SIL1: variants seen among roughly 807,000 people sequenced by gnomAD.
SIL1 encodes SIL1 nucleotide exchange factor, also known as nucleotide exchange factor SIL1.
SIL1 carries 40 observed loss-of-function variants against 49.1 expected under a neutral mutation model. That is an observed-to-expected ratio of 0.81 (90% CI 0.63 to 1.06). The LOEUF (loss-of-function observed/expected upper bound fraction) is 1.06, where lower values mean the gene tolerates loss of function less well. Among genes scored for constraint, SIL1 ranks in the 50% least tolerant of loss-of-function variants. SIL1 has a pLI of 0.00. For synonymous variants in SIL1, 253 were observed against 250.8 expected (o/e 1.01, Z -0.08); for missense variants, 500 against 572.6 (o/e 0.87, Z 1.29).
intron 7 of SIL1, among the ~76,000 whole-genome samples, chr5:138,989,366 C>T (rs994537195): frequency 1.3e-5 from 2 of 152,146 alleles, no homozygotes; most frequent in Non-Finnish European, 2.9e-5. Context: ...CTGGCCAACA[C>T]AGTGAAACCC....
At chr5:139,161,508 A>G (rs183282286) in intron 1 of SIL1, among the ~76,000 whole-genome samples, 1 of 152,286 alleles carries the variant, frequency 6.6e-6, no homozygotes, top group East Asian at 1.9e-4. Flanking sequence ...TCAACACACA[A>G]AGAATTGTTT....
chr5:139,194,474 A>G (rs952422613), intron 1 of SIL1, among the ~76,000 whole-genome samples: 4 of 152,258 alleles, frequency 2.6e-5, no homozygotes, highest in African/African-American at 9.6e-5. Context: ...TTCCGTCTTT[A>G]GTCTACGTAT....
At chr5:138,972,655 C>T (rs1392387886) in intron 7 of SIL1, among the ~76,000 whole-genome samples, 1 of 152,254 alleles carries the variant, frequency 6.6e-6, no homozygotes, top group Non-Finnish European at 1.5e-5. Context: ...CCCCACCCCA[C>T]AAACTGAGCT....
intron 3 of SIL1, among the ~76,000 whole-genome samples, chr5:139,076,899 G>A (rs981429885): frequency 1.3e-5 from 2 of 152,210 alleles, no homozygotes; most frequent in African/African-American, 4.8e-5. Flanking sequence ...GGGAGGCCAA[G>A]GCAGGCGGAT....
intron 1 of SIL1, among the ~76,000 whole-genome samples, chr5:139,174,495 G>C (rs1751838587): frequency 6.6e-6 from 1 of 151,890 alleles, no homozygotes; most frequent in Non-Finnish European, 1.5e-5. Context: ...AGGAAAAAGA[G>C]AGAGAGGACT....
chr5:139,026,996 A>C lies in SIL1; in HGVS notation c.454-4T>G, dbSNP rs1768672147. On this transcript the variant is annotated splice_polypyrimidine_tract_variant and splice_region_variant and intron_variant, in intron 5 of 9. Transcript: ENST00000394817. ...GCTTTACCTCAGCCTGCCTTGCCTA[A>C]GGAGAGCAGCAAAGAGGTGATTAAA... 6.2e-7 allele frequency: 1 copy of C among 1,614,012 alleles called. No homozygotes were observed. Among genetic ancestry groups the C allele is most frequent in the East Asian group, 2.2e-5 (1 of 44,900 alleles).
intron 3 of SIL1, among the ~76,000 whole-genome samples, chr5:139,117,253 G>C (rs1434930106): frequency 6.6e-6 from 1 of 152,238 alleles, no homozygotes; most frequent in East Asian, 1.9e-4. Flanking sequence ...GTATGGCACA[G>C]TGGTTAGGAG....
chr5:139,178,416 A>G (rs1751924443), intron 1 of SIL1, among the ~76,000 whole-genome samples: 1 of 152,152 alleles, frequency 6.6e-6, no homozygotes, highest in Non-Finnish European at 1.5e-5. Context: ...CCTGTTCTCC[A>G]GGTAAATATG....
At chr5:139,155,448 T>TGAGAGAGAGAGAGAAAGAGAGAGAGA (rs1751387429) in intron 1 of SIL1, 1 of 125,910 alleles carries the variant, frequency 7.9e-6, no homozygotes, top group Non-Finnish European at 1.8e-5. Context: ...GTACACAGAG[T>TGAGAGAGAGAGAGAAAGAGAGAGAGA]GAGAGAGAGA....
intron 1 of SIL1, among the ~76,000 whole-genome samples, chr5:139,195,796 C>T (rs1752257337): frequency 6.6e-6 from 1 of 152,210 alleles, no homozygotes; most frequent in Non-Finnish European, 1.5e-5. Context: ...ATGTTCACCA[C>T]CCTCCAAAAA....
chr5:138,947,664 C>T lies in SIL1; in HGVS notation c.1030-191G>A, dbSNP rs1766666515. 1.3e-5 allele frequency among the ~76,000 whole-genome samples: 2 copies of T among 152,220 alleles called. No individual in the cohort carries two copies. The highest frequency in any genetic ancestry group is 1.3e-4 in the Admixed American group (2 of 15,288). Reference sequence around the variant, plus strand: ...ATTCATTCATCCACCAACAGAAACACTTGTGTGGTGCCAGGTGCTGAAGAA... The same window carrying T: ...ATTCATTCATCCACCAACAGAAACATTTGTGTGGTGCCAGGTGCTGAAGAA... On this transcript the variant is annotated intron_variant, in intron 9 of 9. Coordinates refer to ENST00000394817, the MANE Select transcript of SIL1 (RefSeq NM_022464.5). The surrounding 1 kb of genome is among the most constrained non-coding windows in gnomAD (Gnocchi z 4.1).
intron 5 of SIL1, among the ~76,000 whole-genome samples, chr5:139,036,994 TATCCTTTAGTC>T (rs58609168): frequency 0.25 from 38,067 of 151,982 alleles, 5,722 homozygotes; most frequent in Middle Eastern, 0.38. Context: ...ATTTGGAGAA[TATCCTTTAGTC>T]ATTCTTTCAG....
chr5:139,181,577 A>G (rs1052607660), intron 1 of SIL1, among the ~76,000 whole-genome samples: 1 of 152,184 alleles, frequency 6.6e-6, no homozygotes, highest in Non-Finnish European at 1.5e-5. Context: ...CCCCACACAC[A>G]GTTCTTGGCA....
chr5:139,082,929 C>T (rs552297924), intron 3 of SIL1, among the ~76,000 whole-genome samples: 3 of 152,290 alleles, frequency 2.0e-5, no homozygotes, highest in East Asian at 1.9e-4. Flanking sequence ...CCGAACTAGA[C>T]GAACAGGAAG....
chr5:138,980,823 C>A (rs1767502049), intron 7 of SIL1, among the ~76,000 whole-genome samples: 1 of 152,130 alleles, frequency 6.6e-6, no homozygotes, highest in Admixed American at 6.5e-5. Flanking sequence ...GTGGCAGAGT[C>A]CCTCTCCTGT....
At chr5:139,095,410 C>T (rs1036721308) in intron 3 of SIL1, among the ~76,000 whole-genome samples, 8 of 151,942 alleles carry the variant, frequency 5.3e-5, no homozygotes, top group Admixed American at 6.6e-5. Context: ...TACAGGCGTG[C>T]GCCACCATAC....
At chr5:139,026,604 G>C (rs1477129403) in intron 6 of SIL1, among the ~76,000 whole-genome samples, 197 bp downstream of exon 6, 1 of 151,906 alleles carries the variant, frequency 6.6e-6, no homozygotes, top group Non-Finnish European at 1.5e-5. Flanking sequence ...CTCTGACTCA[G>C]ACAAAAAAAG....
chr5:139,159,941 T>TA (rs1424752730), intron 1 of SIL1, among the ~76,000 whole-genome samples: 2 of 151,484 alleles, frequency 1.3e-5, no homozygotes, highest in African/African-American at 4.9e-5. Flanking sequence ...ACCCTCAACC[T>TA]AAAAAAAAAT....
chr5:139,099,094 G>A (rs893773501), intron 3 of SIL1, among the ~76,000 whole-genome samples: 15 of 152,132 alleles, frequency 9.9e-5, no homozygotes, highest in African/African-American at 3.4e-4. Flanking sequence ...TGGGATTACA[G>A]GTGTGAGCCA....
Sources: allele counts gnomAD v4.1 joint callset (sites outside exome capture counted in the v4.1 genomes callset), GRCh38; gene constraint gnomAD v4.1.1; non-coding constraint Gnocchi (gnomAD v3.1); transcripts MANE v1.5; gene names NCBI Gene and HGNC (gene_info 2026-07-23, HGNC 2026-07-21).